CNTNAP2: variants seen among roughly 807,000 people sequenced by gnomAD.
CNTNAP2 encodes the protein contactin associated protein 2, also known as contactin-associated protein-like 2.
A neutral mutation model predicts 155.2 loss-of-function variants in CNTNAP2; 98 were observed. The observed-to-expected ratio is 0.63, with a 90% CI of 0.54 to 0.75. The LOEUF (loss-of-function observed/expected upper bound fraction) is 0.75. Ranked by LOEUF, CNTNAP2 falls within the 30% of genes least tolerant of loss-of-function variation. CNTNAP2 has a pLI of 0.00. For synonymous variants in CNTNAP2, 651 were observed against 631.2 expected, an observed-to-expected ratio of 1.03 and a Z score of -0.47; for missense variants, 1,727 against 1,688.1, an observed-to-expected ratio of 1.02 and a Z score of -0.40.
At chr7:148,163,616 A>C (rs943448203) in intron 17 of CNTNAP2, among the ~76,000 whole-genome samples, 1 of 152,208 alleles carries the variant, frequency 6.6e-6, no homozygotes, top group Non-Finnish European at 1.5e-5. Context: ...TGCAATAATA[A>C]TGAACTGAAA....
intron 1 of CNTNAP2, among the ~76,000 whole-genome samples, chr7:146,342,092 G>A (rs962636199): frequency 6.6e-6 from 1 of 152,036 alleles, no homozygotes; most frequent in Non-Finnish European, 1.5e-5. Flanking sequence ...GGTCACGGAG[G>A]TTGAGTCAGA....
At chr7:147,413,362 A>C (rs1797135507) in intron 10 of CNTNAP2, among the ~76,000 whole-genome samples, 1 of 152,198 alleles carries the variant, frequency 6.6e-6, no homozygotes. Flanking sequence ...TTCCCCTAAG[A>C]CAACACTCTC....
At chr7:146,628,470 A>G (rs1439825854) in intron 1 of CNTNAP2, among the ~76,000 whole-genome samples, 1 of 152,134 alleles carries the variant, frequency 6.6e-6, no homozygotes, top group South Asian at 2.1e-4. Context: ...TTATTGACAA[A>G]TGCTGAGAGT....
At chr7:147,102,221 C>T (rs1563077241) in intron 4 of CNTNAP2, among the ~76,000 whole-genome samples, 1 of 137,116 alleles carries the variant, frequency 7.3e-6, no homozygotes, top group Admixed American at 7.7e-5. Context: ...ATGATACTGC[C>T]ACTGCACAAA....
intron 9 of CNTNAP2, among the ~76,000 whole-genome samples, chr7:147,328,462 A>G (rs905172462): frequency 2.0e-5 from 3 of 152,212 alleles, no homozygotes; most frequent in African/African-American, 7.2e-5. Flanking sequence ...GTCACAATGG[A>G]CGGTTCCTCA....
rs577272833 is a variant in CNTNAP2 at position 148,337,477 on chromosome 7, C to T, written c.3476-46172C>T. Among the ~76,000 whole-genome samples, 294 of 152,292 alleles carry T rather than the reference C, an allele frequency of 1.9e-3. 1 individual carries two copies. Among genetic ancestry groups the T allele is most frequent in the African/African-American group, 6.9e-3 (286 of 41,546 alleles). ...GGATCTAGCGAGAATCAGGTGATTT[C>T]GATGTGAAACGAGGTTTGGGAACCA... On this transcript the variant is annotated intron_variant, in intron 21 of 23. Coordinates refer to ENST00000361727, the MANE Select transcript of CNTNAP2 (RefSeq NM_014141.6).
intron 1 of CNTNAP2, among the ~76,000 whole-genome samples, chr7:146,474,865 C>T (rs1796851315): frequency 6.6e-6 from 1 of 152,158 alleles, no homozygotes; most frequent in South Asian, 2.1e-4. Context: ...CTCTACTTAT[C>T]ACTGTAACCA....
At chr7:147,386,829 T>C (rs1796633602) in intron 9 of CNTNAP2, among the ~76,000 whole-genome samples, 1 of 152,202 alleles carries the variant, frequency 6.6e-6, no homozygotes, top group Non-Finnish European at 1.5e-5. Context: ...ACCAGTTTAC[T>C]GTATTAGTCT....
chr7:148,387,042 C>T (rs917474192), intron 22 of CNTNAP2, among the ~76,000 whole-genome samples: 4 of 152,082 alleles, frequency 2.6e-5, no homozygotes, highest in Admixed American at 2.0e-4. Flanking sequence ...AGAGGACTTA[C>T]GGTAGGTTTC....
intron 1 of CNTNAP2, among the ~76,000 whole-genome samples, chr7:146,145,654 G>T (rs1797947594): frequency 1.3e-5 from 2 of 152,176 alleles, no homozygotes; most frequent in Admixed American, 1.3e-4. Context: ...CCCTATTACT[G>T]ACCATGGTCC....
intron 13 of CNTNAP2, among the ~76,000 whole-genome samples, chr7:147,754,221 AAG>A (rs1390157278): frequency 6.6e-6 from 1 of 152,224 alleles, no homozygotes; most frequent in Non-Finnish European, 1.5e-5. Flanking sequence ...ACACTCAAAA[AAG>A]GTTTTAAAAA....
chr7:147,214,695 A>G (rs1563119219), intron 8 of CNTNAP2, among the ~76,000 whole-genome samples: 1 of 152,152 alleles, frequency 6.6e-6, no homozygotes, highest in East Asian at 1.9e-4. Context: ...GTTTTAGTTC[A>G]AAGCAAATTT....
At chr7:147,071,616 T>C (rs564471040) in intron 4 of CNTNAP2, among the ~76,000 whole-genome samples, 1 of 152,170 alleles carries the variant, frequency 6.6e-6, no homozygotes, top group Non-Finnish European at 1.5e-5. Context: ...TTAACAGATA[T>C]TCCCTGGCCA....
chr7:147,490,176 G>A (rs1224600648), intron 11 of CNTNAP2, among the ~76,000 whole-genome samples: 1 of 152,054 alleles, frequency 6.6e-6, no homozygotes, highest in Admixed American at 6.5e-5. Context: ...TAGACGTAAT[G>A]TTTCCAGGGG....
At position 146,829,325 on chromosome 7, in the gene CNTNAP2, C is replaced by T. The variant is rs115096548; in HGVS notation, c.209-10386C>T. Among the ~76,000 whole-genome samples the T allele has an allele frequency of 7.2e-3, 1,088 of 151,784 alleles. 15 individuals carry two copies. Among genetic ancestry groups the T allele is most frequent in the African/African-American group, 0.023 (955 of 41,470 alleles). Reference sequence around the variant, plus strand: ...AATGCCATTTATGTCTGGATATTATCAGCACTGTAAAAAAAAAAGTTCTAA... The same window carrying T: ...AATGCCATTTATGTCTGGATATTATTAGCACTGTAAAAAAAAAAGTTCTAA... On this transcript the variant is annotated intron_variant, in intron 2 of 23. Coordinates refer to ENST00000361727, the MANE Select transcript of CNTNAP2 (RefSeq NM_014141.6).
intron 9 of CNTNAP2, among the ~76,000 whole-genome samples, chr7:147,357,029 A>G (rs946967819): frequency 2.6e-5 from 4 of 152,098 alleles, no homozygotes; most frequent in Non-Finnish European, 4.4e-5. Flanking sequence ...TCTGACCTCC[A>G]TCTTTCTGAT....
At chr7:146,942,765 T>C (rs1342681424) in intron 3 of CNTNAP2, among the ~76,000 whole-genome samples, 5 of 152,128 alleles carry the variant, frequency 3.3e-5, no homozygotes, top group Admixed American at 6.5e-5. Context: ...TGTTAGTGTG[T>C]TTTGGAGAAC....
At chr7:148,330,966 T>A (rs993263874) in intron 21 of CNTNAP2, among the ~76,000 whole-genome samples, 3 of 124,666 alleles carry the variant, frequency 2.4e-5, no homozygotes, top group African/African-American at 9.6e-5. Context: ...ATAGAGTGGA[T>A]GGATAGAGTA....
chr7:148,379,506 C>T (rs901012492), intron 21 of CNTNAP2, among the ~76,000 whole-genome samples: 1 of 151,868 alleles, frequency 6.6e-6, no homozygotes, highest in Non-Finnish European at 1.5e-5. Flanking sequence ...TTGTTTGGGA[C>T]CAACCTGGGT....
Sources: allele counts gnomAD v4.1 joint callset (sites outside exome capture counted in the v4.1 genomes callset), GRCh38; gene constraint gnomAD v4.1.1; transcripts MANE v1.5; gene names NCBI Gene and HGNC (gene_info 2026-07-23, HGNC 2026-07-21).